Variants in ATP10B observed in about 807,000 individuals in gnomAD.
ATP10B encodes the protein phospholipid-transporting ATPase VB.
Under a neutral mutation model 141.2 loss-of-function variants are expected in ATP10B, and 122 were observed. The observed-to-expected ratio is 0.86, with a 90% CI of 0.75 to 1.00. The LOEUF is 1.00. Among genes scored for constraint, ATP10B ranks in the 50% least tolerant of loss-of-function variants. The pLI, the probability that ATP10B is intolerant of heterozygous loss-of-function variation, is 0.00. For missense variants in ATP10B, 1,876 were observed against 1,825.3 expected, an observed-to-expected ratio of 1.03 and a Z score of -0.51; for synonymous variants, 685 against 692.0, an observed-to-expected ratio of 0.99 and a Z score of 0.16.
chr5:160,595,743 A>G (rs1756640661), intron 22 of ATP10B, among the ~76,000 whole-genome samples: 2 of 149,756 alleles, frequency 1.3e-5, no homozygotes, highest in Non-Finnish European at 3.0e-5. Context: ...ACAAACTACC[A>G]TCAGAAAATA....
chr5:160,845,708 G>T (rs1318917272), intron 1 of ATP10B, among the ~76,000 whole-genome samples: 1 of 152,134 alleles, frequency 6.6e-6, no homozygotes, highest in African/African-American at 2.4e-5. Flanking sequence ...CAGAACATTA[G>T]TCACTATTCT....
At chr5:160,745,277 G>A (rs1170600843) in intron 2 of ATP10B, among the ~76,000 whole-genome samples, 2 of 152,064 alleles carry the variant, frequency 1.3e-5, no homozygotes, top group South Asian at 2.1e-4. Context: ...AAAAACCACT[G>A]GGCAGCTTTA....
intron 2 of ATP10B, among the ~76,000 whole-genome samples, chr5:160,750,618 A>G (rs1159928509): frequency 1.3e-5 from 2 of 152,190 alleles, no homozygotes; most frequent in African/African-American, 4.8e-5. Context: ...CTGTTTGGCT[A>G]CAGAACCATC....
chr5:160,577,916 CA>C (rs1755299468), intron 24 of ATP10B, among the ~76,000 whole-genome samples: 1 of 151,824 alleles, frequency 6.6e-6, no homozygotes. Flanking sequence ...TTAGGTCAAA[CA>C]ATTTATTAAA....
intron 6 of ATP10B, among the ~76,000 whole-genome samples, chr5:160,682,850 T>C (rs537240321): frequency 2.4e-4 from 36 of 151,802 alleles, no homozygotes; most frequent in South Asian, 6.3e-4. Flanking sequence ...CCATCCTGGC[T>C]AACATGGTGA....
chr5:160,922,428 A>C, the ATP10B span, among the ~76,000 whole-genome samples: 1 of 152,238 alleles, frequency 6.6e-6, no homozygotes, highest in Admixed American at 6.5e-5. Flanking sequence ...TTATAGTTTC[A>C]GATGATTCAC....
At chr5:160,850,770 A>G (rs1280425272) in intron 1 of ATP10B, among the ~76,000 whole-genome samples, 1 of 152,230 alleles carries the variant, frequency 6.6e-6, no homozygotes, top group East Asian at 1.9e-4. Context: ...TTATACTGCT[A>G]TACTCTTTAA....
At chr5:160,719,508 C>T (rs1450964397) in intron 2 of ATP10B, among the ~76,000 whole-genome samples, 1 of 152,224 alleles carries the variant, frequency 6.6e-6, no homozygotes. Flanking sequence ...TTGCCTAGCA[C>T]TGTGTCCATA....
chr5:160,743,079 A>G (rs1311656388), intron 2 of ATP10B, among the ~76,000 whole-genome samples: 5 of 152,230 alleles, frequency 3.3e-5, no homozygotes, highest in Non-Finnish European at 5.9e-5. Flanking sequence ...CTTTATACAC[A>G]GTATTTTATT....
intron 22 of ATP10B, among the ~76,000 whole-genome samples, chr5:160,591,490 C>T (rs900614572): frequency 2.0e-5 from 3 of 152,174 alleles, no homozygotes; most frequent in Non-Finnish European, 4.4e-5. Context: ...CTCAGTTATT[C>T]ATTGTTATCA....
rs923776028 is a variant in ATP10B, at chr5:160,781,335, C to T, written c.-331+4224G>A. Among the ~76,000 whole-genome samples the T allele has an allele frequency of 2.6e-5, 4 of 152,042 alleles. No homozygotes were observed. In the South Asian group the frequency reaches 8.3e-4, roughly 31 times the overall value. ...CTTTGAATTGCCAAATAGCAATCGC[C>T]CTTTTGCCTTGGGGATGTTTGAAAG... is the stretch of plus-strand genomic sequence containing the variant. On this transcript the variant is annotated intron_variant, in intron 2 of 25. Transcript: ENST00000327245.
At chr5:160,918,227 G>C in the ATP10B span, among the ~76,000 whole-genome samples, 85 of 152,320 alleles carry the variant, frequency 5.6e-4, no homozygotes, top group African/African-American at 1.9e-3. Flanking sequence ...CAGCATAAAG[G>C]GGGAGGCAAA....
At chr5:160,830,437 T>C (rs1004438836) in intron 1 of ATP10B, among the ~76,000 whole-genome samples, 2 of 152,156 alleles carry the variant, frequency 1.3e-5, no homozygotes, top group African/African-American at 4.8e-5. Context: ...ACATGTTTTC[T>C]GTATATGGCA....
At chr5:160,828,788 C>G (rs1774830830) in intron 1 of ATP10B, among the ~76,000 whole-genome samples, 1 of 151,460 alleles carries the variant, frequency 6.6e-6, no homozygotes, top group Non-Finnish European at 1.5e-5. Context: ...TTCACAATAG[C>G]AAAGACTTGG....
intron 2 of ATP10B, among the ~76,000 whole-genome samples, chr5:160,750,041 G>A (rs917629563): frequency 6.6e-6 from 1 of 152,174 alleles, no homozygotes; most frequent in Admixed American, 6.5e-5. Flanking sequence ...TTCATGGGCA[G>A]GTAGCAGTAA....
At chr5:160,912,173 T>A in the ATP10B span, among the ~76,000 whole-genome samples, 1 of 151,812 alleles carries the variant, frequency 6.6e-6, no homozygotes, top group Non-Finnish European at 1.5e-5. Context: ...TTCTCATGAG[T>A]AGATCTAAAT....
intron 24 of ATP10B, among the ~76,000 whole-genome samples, chr5:160,571,981 A>G (rs1262538942): frequency 1.3e-5 from 2 of 152,130 alleles, no homozygotes; most frequent in East Asian, 3.9e-4. Flanking sequence ...TCCTATTTTA[A>G]TGTTGTCTCT....
chr5:160,640,084 A>G (rs1429073369), intron 10 of ATP10B, among the ~76,000 whole-genome samples: 1 of 152,208 alleles, frequency 6.6e-6, no homozygotes, highest in Non-Finnish European at 1.5e-5. Flanking sequence ...ACTGAAATTG[A>G]TTTTGAACTT....
At chr5:160,578,178 AT>A (rs1307783108) in intron 24 of ATP10B, among the ~76,000 whole-genome samples, 2 of 152,044 alleles carry the variant, frequency 1.3e-5, no homozygotes, top group Non-Finnish European at 2.9e-5. Flanking sequence ...CTTTGCTCTC[AT>A]TTTATTTTTA....
Sources: gnomAD v4.1 joint callset for allele counts (sites outside exome capture counted in the v4.1 genomes callset) on GRCh38, gnomAD v4.1.1 for gene constraint, MANE v1.5 for transcripts, NCBI Gene and HGNC (gene_info 2026-07-23, HGNC 2026-07-21) for gene names.